DNAJC11: variants seen among roughly 807,000 people sequenced by gnomAD.
DNAJC11 encodes DnaJ heat shock protein family (Hsp40) member C11.
Under a neutral mutation model 78.6 loss-of-function variants are expected in DNAJC11, and 15 were observed. That is an observed-to-expected ratio of 0.19 (90% CI 0.13 to 0.29). The LOEUF is 0.29. Among genes scored for constraint, DNAJC11 ranks in the 10% least tolerant of loss-of-function variants. The pLI is 1.00. For missense variants in DNAJC11, 547 were observed against 709.6 expected, an observed-to-expected ratio of 0.77 and a Z score of 2.60; for synonymous variants, 292 against 272.1, an observed-to-expected ratio of 1.07 and a Z score of -0.72.
At chr1:6,684,992 G>A (rs1454186619) in intron 1 of DNAJC11, among the ~76,000 whole-genome samples, 1 of 152,146 alleles carries the variant, frequency 6.6e-6, no homozygotes, top group Non-Finnish European at 1.5e-5. Context: ...ACAGGGCTGG[G>A]TGCAATGGCT....
intron 1 of DNAJC11, among the ~76,000 whole-genome samples, chr1:6,685,013 C>G (rs1025805073): frequency 3.3e-5 from 5 of 152,280 alleles, no homozygotes; most frequent in African/African-American, 1.2e-4. Context: ...CACACCAGTA[C>G]AGTAATCCCA....
At chr1:6,697,152 AG>A (rs1642850537) in intron 1 of DNAJC11, among the ~76,000 whole-genome samples, 2 of 152,188 alleles carry the variant, frequency 1.3e-5, no homozygotes, top group East Asian at 3.9e-4. Context: ...GTGCCCAGTG[AG>A]TGATAAAGTA....
chr1:6,641,974 G>C (rs1293122859), intron 10 of DNAJC11, among the ~76,000 whole-genome samples: 1 of 152,152 alleles, frequency 6.6e-6, no homozygotes, highest in Non-Finnish European at 1.5e-5. Flanking sequence ...AAGGGGAAGG[G>C]CTACTATGTT....
intron 4 of DNAJC11, among the ~76,000 whole-genome samples, chr1:6,656,231 T>C (rs35724443): frequency 0.15 from 22,218 of 151,806 alleles, 2,100 homozygotes; most frequent in Non-Finnish European, 0.21. Context: ...TATAATGAGA[T>C]ACAATTTTGA....
chr1:6,668,531 T>C (rs1350896907), intron 3 of DNAJC11, among the ~76,000 whole-genome samples: 1 of 152,206 alleles, frequency 6.6e-6, no homozygotes, highest in Non-Finnish European at 1.5e-5. Context: ...CCTAGTGGTC[T>C]GAGACAATCG....
intron 1 of DNAJC11, among the ~76,000 whole-genome samples, chr1:6,695,341 A>C (rs1642818006): frequency 6.6e-6 from 1 of 151,820 alleles, no homozygotes; most frequent in Non-Finnish European, 1.5e-5. Flanking sequence ...AAACTTATCA[A>C]AATCCAAGAA....
At position 6,644,566 on chromosome 1, in the gene DNAJC11, G is replaced by A. The variant is rs1339182402; in HGVS notation, c.1089C>T (p.Leu363=). The change falls in exon 10 of 16, where the codon CTC becomes CTT. Residue 363 remains leucine, a synonymous_variant. Coordinates refer to ENST00000377577, the MANE Select transcript of DNAJC11 (RefSeq NM_018198.4). ...VSVGVPQGVS[L]KVKLNRASQT... The stretch of plus-strand genomic sequence containing the variant: ...GCCTAAGTTCAACTTACTTGACTTT[G>A]AGAGAAACACCCTGTGGAACTCCAA... The A allele has an allele frequency of 3.7e-6, 6 of 1,612,768 alleles. No individual in the cohort carries two copies. In the East Asian group the frequency reaches 1.3e-4, roughly 36 times the overall value.
intron 1 of DNAJC11, among the ~76,000 whole-genome samples, chr1:6,696,784 C>T (rs960864220): frequency 2.0e-5 from 3 of 152,178 alleles, no homozygotes; most frequent in Non-Finnish European, 4.4e-5. Context: ...TCATTTTTTA[C>T]TTAACTGTGT....
At chr1:6,662,457 G>T (rs1021115483) in intron 4 of DNAJC11, among the ~76,000 whole-genome samples, 1 of 152,168 alleles carries the variant, frequency 6.6e-6, no homozygotes, top group Non-Finnish European at 1.5e-5. Flanking sequence ...GCCTCCCAAA[G>T]TGTTGGTGAG....
Position 6,645,282 on chromosome 1 carries a change from A to G in DNAJC11, c.895-156T>C, listed in dbSNP as rs1380342075. On this transcript the variant is annotated intron_variant, in intron 8 of 15. Transcript: ENST00000377577. The surrounding 1 kb of genome is among the most constrained non-coding windows in gnomAD (Gnocchi z 4.1). ...AGCCGCAGTGAGTGCACCATGATTT[A>G]TTAGCAGCCAGTAATTAAAAAGTGG... is the stretch of plus-strand genomic sequence containing the variant. Among the ~76,000 whole-genome samples, 1 of 152,210 alleles carries G rather than the reference A, an allele frequency of 6.6e-6. No individual in the cohort carries two copies. Among genetic ancestry groups the G allele is most frequent in the Non-Finnish European group, 1.5e-5 (1 of 68,040 alleles).
At chr1:6,642,441 G>A (rs1641892376) in intron 10 of DNAJC11, among the ~76,000 whole-genome samples, 1 of 152,162 alleles carries the variant, frequency 6.6e-6, no homozygotes, top group African/African-American at 2.4e-5. Flanking sequence ...TTCAGGAGAT[G>A]ATTTTGAGAT....
intron 1 of DNAJC11, among the ~76,000 whole-genome samples, chr1:6,696,863 G>A (rs373319060): frequency 4.6e-5 from 7 of 152,186 alleles, no homozygotes; most frequent in African/African-American, 1.7e-4. Flanking sequence ...GGGACCAGAG[G>A]TCTTCAAACA....
At chr1:6,669,736 G>C (rs1306142231) in intron 3 of DNAJC11, among the ~76,000 whole-genome samples, 4 of 152,008 alleles carry the variant, frequency 2.6e-5, no homozygotes, top group African/African-American at 9.7e-5. Flanking sequence ...GCACCGGTGA[G>C]AAACACACAG....
intron 4 of DNAJC11, among the ~76,000 whole-genome samples, chr1:6,660,080 C>A (rs1642186002): frequency 6.7e-6 from 1 of 150,106 alleles, no homozygotes; most frequent in Non-Finnish European, 1.5e-5. Context: ...AAACCAAAAT[C>A]AAAACAAAAA....
intron 4 of DNAJC11, among the ~76,000 whole-genome samples, chr1:6,662,121 G>GTTTTTTTT (rs1185007632): frequency 6.2e-5 from 3 of 48,188 alleles, no homozygotes; most frequent in East Asian, 6.3e-4. Context: ...CCAGTTAATT[G>GTTTTTTTT]TTTTTTGTTT....
chr1:6,692,295 G>A (rs1642758546), intron 1 of DNAJC11, among the ~76,000 whole-genome samples: 1 of 151,988 alleles, frequency 6.6e-6, no homozygotes, highest in African/African-American at 2.4e-5. Context: ...GGAAGTGGTG[G>A]GGCATCCTCA....
At chr1:6,685,674 C>A (rs55758063) in intron 1 of DNAJC11, among the ~76,000 whole-genome samples, 7,575 of 152,268 alleles carry the variant, frequency 0.05, 254 homozygotes, top group Non-Finnish European at 0.073. Flanking sequence ...GGAACCCAGG[C>A]AGGAACTTTG....
intron 10 of DNAJC11, 110 bp from the exon 11 acceptor site, chr1:6,640,167 G>A: frequency 7.5e-7 from 1 of 1,334,150 alleles, no homozygotes; most frequent in South Asian, 1.6e-5. Flanking sequence ...GCGTGCAGCT[G>A]CGAGTTAAAG....
At chr1:6,657,918 T>C (rs1642155866) in intron 4 of DNAJC11, among the ~76,000 whole-genome samples, 3 of 152,360 alleles carry the variant, frequency 2.0e-5, no homozygotes, top group Admixed American at 1.3e-4. Flanking sequence ...GTGCTGGGAT[T>C]ACAGGCGTGA....
Sources: gnomAD v4.1 joint callset for allele counts (sites outside exome capture counted in the v4.1 genomes callset) on GRCh38, gnomAD v4.1.1 for gene constraint, Gnocchi (gnomAD v3.1) non-coding constraint, MANE v1.5 for transcripts, NCBI Gene and HGNC (gene_info 2026-07-23, HGNC 2026-07-21) for gene names.